The following TMEM232 variants were observed in gnomAD, a reference collection of about 807,000 sequenced individuals.
TMEM232 encodes the protein transmembrane protein 232.
A neutral mutation model predicts 78.8 loss-of-function variants in TMEM232; 80 were observed. That is an observed-to-expected ratio of 1.01 (90% CI 0.85 to 1.22). TMEM232 has a LOEUF of 1.22. TMEM232 is among the 50% of genes most tolerant of loss of function. The probability of loss-of-function intolerance (pLI) is 0.00; values close to 1 mark genes in which losing one functional copy is unlikely to be tolerated. For missense variants in TMEM232, 881 were observed against 742.2 expected (o/e 1.19, Z -2.17); for synonymous variants, 297 against 254.3 (o/e 1.17, Z -1.60).
At chr5:110,555,175 T>A (rs1284184850) in intron 11 of TMEM232, among the ~76,000 whole-genome samples, 1 of 152,198 alleles carries the variant, frequency 6.6e-6, no homozygotes, top group East Asian at 1.9e-4. Context: ...CTGTTAACAC[T>A]GCTTTAGCTA....
chr5:110,418,628 G>T (rs1202646290), downstream of TMEM232, among the ~76,000 whole-genome samples: 1 of 151,924 alleles, frequency 6.6e-6, no homozygotes, highest in African/African-American at 2.4e-5. Context: ...TTTAAAAAAA[G>T]GCATGAATCC....
chr5:110,421,170 A>G (rs947698386), intron 13 of TMEM232, among the ~76,000 whole-genome samples: 3 of 152,114 alleles, frequency 2.0e-5, no homozygotes, highest in East Asian at 3.9e-4. Flanking sequence ...CTCTAATACT[A>G]TTCTCTATGA....
At chr5:110,721,028 T>G (rs1422829658) in intron 1 of TMEM232, among the ~76,000 whole-genome samples, 2 of 152,154 alleles carry the variant, frequency 1.3e-5, no homozygotes, top group Non-Finnish European at 2.9e-5. Context: ...TAGTATACAT[T>G]CATCTTAAAA....
rs377647037 is a variant in TMEM232 at position 110,716,973 on chromosome 5, G to T, written c.-13+9654C>A. Among the ~76,000 whole-genome samples, 13 of 152,208 alleles carry T rather than the reference G, an allele frequency of 8.5e-5. No individual in the cohort carries two copies. The East Asian group carries it at 1.9e-3, about 23-fold the overall frequency. ...CAGTGTATGAAGTATACAGCAATTTGTCTATCCATCACTAAGCAGACAATA... is the reference window on the plus strand; with the variant it reads ...CAGTGTATGAAGTATACAGCAATTTTTCTATCCATCACTAAGCAGACAATA... On this transcript the variant is annotated intron_variant, in intron 1 of 13. Transcript: ENST00000455884.
intron 12 of TMEM232, among the ~76,000 whole-genome samples, chr5:110,496,175 CAAG>C (rs903591983): frequency 2.1e-4 from 32 of 151,900 alleles, no homozygotes; most frequent in African/African-American, 6.0e-4. Flanking sequence ...TAGGTTATTT[CAAG>C]AAGATTTTCG....
At chr5:110,519,362 G>A (rs542252446) in intron 12 of TMEM232, among the ~76,000 whole-genome samples, 10 of 152,212 alleles carry the variant, frequency 6.6e-5, no homozygotes, top group African/African-American at 1.9e-4. Context: ...ATAAGGTACT[G>A]ATGATTAATG....
chr5:110,579,945 T>C (rs2149722499), intron 10 of TMEM232, among the ~76,000 whole-genome samples: 1 of 151,656 alleles, frequency 6.6e-6, no homozygotes, highest in East Asian at 1.9e-4. Flanking sequence ...AGGATACACA[T>C]AGGCTGAAAG....
chr5:110,547,998 C>CA (rs938444289), intron 11 of TMEM232, among the ~76,000 whole-genome samples: 3,320 of 48,152 alleles, frequency 0.069, 121 homozygotes, highest in African/African-American at 0.13. Flanking sequence ...ACTCCATCTC[C>CA]AAAAAAAAAA....
chr5:110,647,453 T>C (rs1561448779), intron 2 of TMEM232, among the ~76,000 whole-genome samples: 2 of 152,024 alleles, frequency 1.3e-5, no homozygotes, highest in Non-Finnish European at 2.9e-5. Flanking sequence ...TGTCCATTAA[T>C]ATACCTCTTT....
chr5:110,550,950 ATT>A (rs113468591), intron 11 of TMEM232, among the ~76,000 whole-genome samples: 18 of 145,214 alleles, frequency 1.2e-4, no homozygotes, highest in African/African-American at 4.2e-4. Context: ...AAATCCAGCC[ATT>A]TTTTTTTTTT....
At chr5:110,398,961 C>A (rs906505110) in intron 2 of TMEM232, among the ~76,000 whole-genome samples, 5 of 152,058 alleles carry the variant, frequency 3.3e-5, no homozygotes, top group Admixed American at 2.6e-4. Context: ...GGGCCCATTA[C>A]CCATTGTGGA....
At chr5:110,635,406 C>T (rs1785666941) in intron 5 of TMEM232, among the ~76,000 whole-genome samples, 1 of 151,960 alleles carries the variant, frequency 6.6e-6, no homozygotes, top group Admixed American at 6.6e-5. Flanking sequence ...GGCTAATATC[C>T]CTAATGCACA....
At chr5:110,520,076 T>C (rs1561613642) in intron 12 of TMEM232, among the ~76,000 whole-genome samples, 6 of 147,762 alleles carry the variant, frequency 4.1e-5, no homozygotes, top group Non-Finnish European at 1.5e-5. Context: ...GAGGATTAGG[T>C]AGGAGGAGTA....
chr5:110,489,406 A>G (rs554580762), intron 12 of TMEM232, among the ~76,000 whole-genome samples: 1 of 152,196 alleles, frequency 6.6e-6, no homozygotes, highest in South Asian at 2.1e-4. Context: ...ACAATGAACT[A>G]AATGACATGA....
chr5:110,575,330 A>C (rs1777454811), intron 10 of TMEM232, among the ~76,000 whole-genome samples: 1 of 152,044 alleles, frequency 6.6e-6, no homozygotes. Flanking sequence ...TAATATGGAA[A>C]ACCAAACTTT....
At chr5:110,664,545 T>C (rs927105709) in intron 2 of TMEM232, among the ~76,000 whole-genome samples, 8 of 152,218 alleles carry the variant, frequency 5.3e-5, no homozygotes, top group African/African-American at 1.9e-4. Context: ...AAGAAAAGTA[T>C]TGGAAACAAA....
chr5:110,664,508 C>T (rs1293773466), intron 2 of TMEM232, among the ~76,000 whole-genome samples: 1 of 152,180 alleles, frequency 6.6e-6, no homozygotes, highest in Non-Finnish European at 1.5e-5. Flanking sequence ...ACAGCTGAAA[C>T]TGTATCTCTT....
chr5:110,457,262 A>G (rs2149347493), intron 12 of TMEM232, among the ~76,000 whole-genome samples: 1 of 152,238 alleles, frequency 6.6e-6, no homozygotes, highest in South Asian at 2.1e-4. Context: ...AGTACAAGAG[A>G]ATTTGTTCTA....
intron 12 of TMEM232, among the ~76,000 whole-genome samples, chr5:110,499,698 A>G (rs1766032492): frequency 6.6e-6 from 1 of 151,650 alleles, no homozygotes; most frequent in Admixed American, 6.6e-5. Context: ...AAATATTAAT[A>G]TCAGACCAAG....
Sources: allele counts gnomAD v4.1 joint callset (sites outside exome capture counted in the v4.1 genomes callset), GRCh38; gene constraint gnomAD v4.1.1; transcripts MANE v1.5; gene names NCBI Gene and HGNC (gene_info 2026-07-23, HGNC 2026-07-21).